Variants in ZNF469 observed in about 807,000 individuals in gnomAD.
ZNF469 encodes zinc finger protein 469.
In ZNF469, 1 loss-of-function variant was observed where a neutral mutation model predicts 1.0. That is an observed-to-expected ratio of 1.00 (90% CI 0.35 to 4.73). The LOEUF (loss-of-function observed/expected upper bound fraction) is 4.73, where lower values mean the gene tolerates loss of function less well. Among genes scored for constraint, ZNF469 ranks in the 30% most tolerant of loss-of-function variants. The pLI, the probability that ZNF469 is intolerant of heterozygous loss-of-function variation, is 0.16. For missense variants in ZNF469, 6,100 were observed against 5,356.3 expected, an observed-to-expected ratio of 1.14 and a Z score of -4.33; for synonymous variants, 2,703 against 2,363.4, an observed-to-expected ratio of 1.14 and a Z score of -4.17.
the ZNF469 span, among the ~76,000 whole-genome samples, chr16:88,160,707 G>A: frequency 6.6e-6 from 1 of 152,230 alleles, no homozygotes; most frequent in Non-Finnish European, 1.5e-5. Context: ...AGGCACTGCT[G>A]TACCTCCCGT....
the ZNF469 span, among the ~76,000 whole-genome samples, chr16:88,316,880 G>T: frequency 1.3e-5 from 2 of 152,130 alleles, no homozygotes; most frequent in Non-Finnish European, 2.9e-5. Flanking sequence ...TGCCCAGCAT[G>T]CTGGGAACCT....
chr16:88,128,797 C>T, the ZNF469 span, among the ~76,000 whole-genome samples: 2 of 152,352 alleles, frequency 1.3e-5, no homozygotes, highest in Non-Finnish European at 2.9e-5. Context: ...ATAGTCCAGA[C>T]AGAGCATCCC....
chr16:88,302,955 C>T, the ZNF469 span, among the ~76,000 whole-genome samples: 1 of 152,180 alleles, frequency 6.6e-6, no homozygotes, highest in Non-Finnish European at 1.5e-5. Context: ...GTGGGAAGGG[C>T]GTGGAACTCA....
chr16:88,437,433 C>T lies in ZNF469; in HGVS notation c.9963C>T (p.Pro3321=). ...CCGACCCCTGGGCCGGCGGGGAGCC[C>T]CTCCTGCAAGCCACCCCGGTGCACG... ...PSPDPWAGGE[P]LLQATPVHEA... The change falls in exon 3 of 3, where the codon CCC becomes CCT. Residue 3321 remains proline (P), a synonymous_variant. Coordinates refer to ENST00000565624, the MANE Select transcript of ZNF469 (RefSeq NM_001367624.2). 1 of 1,522,670 alleles carries T rather than the reference C, an allele frequency of 6.6e-7. No individual in the cohort carries two copies. The allele number at this position is 1,522,670 out of a possible 1,614,324, so 94.3% of individuals were successfully genotyped here.
At chr16:88,123,609 A>T in the ZNF469 span, among the ~76,000 whole-genome samples, 2 of 152,126 alleles carry the variant, frequency 1.3e-5, no homozygotes, top group African/African-American at 4.8e-5. Context: ...CGTGGTGAGT[A>T]TATGTGTGAC....
At chr16:88,392,238 G>A (rs1904511296) in intron 1 of ZNF469, among the ~76,000 whole-genome samples, 1 of 152,276 alleles carries the variant, frequency 6.6e-6, no homozygotes, top group South Asian at 2.1e-4. Context: ...ACCGTGTCTT[G>A]ATTCTGGCCA....
chr16:88,200,163 G>T, the ZNF469 span, among the ~76,000 whole-genome samples: 749 of 152,286 alleles, frequency 4.9e-3, 7 homozygotes, highest in African/African-American at 0.017. Context: ...GTCAGCAGCA[G>T]TGGCACCACC....
intron 1 of ZNF469, among the ~76,000 whole-genome samples, chr16:88,388,487 G>C (rs1904400677): frequency 6.6e-6 from 1 of 152,260 alleles, no homozygotes; most frequent in Admixed American, 6.5e-5. Flanking sequence ...GGGCTGCTGG[G>C]CCAAGGTGGC....
chr16:88,308,564 A>C, the ZNF469 span, among the ~76,000 whole-genome samples: 6 of 152,100 alleles, frequency 3.9e-5, no homozygotes, highest in Admixed American at 3.9e-4. Flanking sequence ...ATTGCAATCT[A>C]GTCCTCTCCC....
At chr16:88,386,066 C>T (rs193264494) in intron 1 of ZNF469, among the ~76,000 whole-genome samples, 3 of 152,152 alleles carry the variant, frequency 2.0e-5, no homozygotes, top group East Asian at 1.9e-4. Flanking sequence ...GAGGCACAAG[C>T]GGCCCGGTCC....
At chr16:88,356,287 T>C in the ZNF469 span, among the ~76,000 whole-genome samples, 1 of 152,074 alleles carries the variant, frequency 6.6e-6, no homozygotes, top group African/African-American at 2.4e-5. Context: ...CATGATCGAA[T>C]CTCAGTCCTG....
intron 1 of ZNF469, among the ~76,000 whole-genome samples, chr16:88,397,625 A>G (rs547791746): frequency 4.7e-5 from 6 of 127,984 alleles, no homozygotes; most frequent in Middle Eastern, 7.4e-3. Flanking sequence ...GGATGGGTGG[A>G]TGGATGGATG....
the ZNF469 span, among the ~76,000 whole-genome samples, chr16:88,333,183 T>C: frequency 6.6e-6 from 1 of 152,106 alleles, no homozygotes. Flanking sequence ...GTCCCCTGCT[T>C]GATGCTTCCT....
At chr16:88,116,018 G>C in the ZNF469 span, among the ~76,000 whole-genome samples, 20 of 152,240 alleles carry the variant, frequency 1.3e-4, no homozygotes, top group Non-Finnish European at 1.9e-4. Flanking sequence ...TCTGGGAAAG[G>C]CTCTTTGATG....
At chr16:88,414,196 G>T (rs979767484) in intron 1 of ZNF469, among the ~76,000 whole-genome samples, 3 of 152,226 alleles carry the variant, frequency 2.0e-5, no homozygotes, top group African/African-American at 7.2e-5. Flanking sequence ...AACCTTGGGA[G>T]CCCAAAGCCC....
At chr16:88,170,374 T>G in the ZNF469 span, among the ~76,000 whole-genome samples, 1 of 152,196 alleles carries the variant, frequency 6.6e-6, no homozygotes, top group African/African-American at 2.4e-5. The surrounding 1 kb of genome is among the most constrained non-coding windows in gnomAD (Gnocchi z 4.2). Flanking sequence ...GGCTGTGCAC[T>G]AGATCCCCAG....
At chr16:88,317,176 G>A in the ZNF469 span, among the ~76,000 whole-genome samples, 1 of 152,232 alleles carries the variant, frequency 6.6e-6, no homozygotes, top group Non-Finnish European at 1.5e-5. Context: ...CCCACATGCT[G>A]GCCTGGCCCT....
the ZNF469 span, among the ~76,000 whole-genome samples, chr16:88,145,889 C>A: frequency 3.0e-3 from 454 of 152,314 alleles, 2 homozygotes; most frequent in African/African-American, 0.01. Flanking sequence ...TGGTGAGTGT[C>A]CTGATGGGGC....
chr16:88,256,369 T>C, the ZNF469 span, among the ~76,000 whole-genome samples: 1 of 152,238 alleles, frequency 6.6e-6, no homozygotes. Context: ...CTCCACATCC[T>C]TTCATGGTTT....
Sources: gnomAD v4.1 joint callset for allele counts (sites outside exome capture counted in the v4.1 genomes callset) on GRCh38, gnomAD v4.1.1 for gene constraint, Gnocchi (gnomAD v3.1) non-coding constraint, MANE v1.5 for transcripts, NCBI Gene and HGNC (gene_info 2026-07-23, HGNC 2026-07-21) for gene names.